The following ZNF333 variants were observed in gnomAD, a reference collection of about 807,000 sequenced individuals.
ZNF333 encodes the protein zinc finger protein 333.
A neutral mutation model predicts 76.1 loss-of-function variants in ZNF333; 61 were observed. That is an observed-to-expected ratio of 0.80 (90% CI 0.65 to 0.99). The LOEUF (loss-of-function observed/expected upper bound fraction) is 0.99. Ranked by LOEUF, ZNF333 falls within the 50% of genes least tolerant of loss-of-function variation. The pLI is 0.00. For missense variants in ZNF333, 717 were observed against 822.4 expected (o/e 0.87, Z 1.57); for synonymous variants, 284 against 305.0 (o/e 0.93, Z 0.72).
chr19:14,701,759 G>A (rs2041964402), intron 5 of ZNF333: 1 of 985,354 alleles, frequency 1.0e-6, no homozygotes, highest in South Asian at 4.7e-5. Context: ...GCAGGCATGG[G>A]GCTCTTGTTA....
intron 11 of ZNF333, among the ~76,000 whole-genome samples, chr19:14,728,981 G>C (rs1374508660): frequency 6.6e-6 from 1 of 152,204 alleles, no homozygotes; most frequent in East Asian, 1.9e-4. Flanking sequence ...AATAAAGAAG[G>C]GGGAAGGGGA....
At chr19:14,714,375 C>T (rs896102216) in intron 7 of ZNF333, among the ~76,000 whole-genome samples, 3 of 152,014 alleles carry the variant, frequency 2.0e-5, no homozygotes, top group East Asian at 1.9e-4. Context: ...GACCGTGCGA[C>T]GGTGGAGGCA....
At chr19:14,708,575 A>ACTGCAGCACTGCTGATAATGGGCCT in intron 7 of ZNF333, 1 of 377,996 alleles carries the variant, frequency 2.6e-6, no homozygotes, top group East Asian at 3.8e-5. Flanking sequence ...ATAATGGGCT[A>ACTGCAGCACTGCTGATAATGGGCCT]CTGCAGCACT....
At chr19:14,732,246 T>A (rs966932496) in exon 12 of ZNF333, 1 of 152,202 alleles carries the variant, frequency 6.6e-6, no homozygotes, top group South Asian at 2.1e-4. Flanking sequence ...CCCAACAGCA[T>A]GTGCTCACTT....
chr19:14,727,232 G>A (rs902216069), intron 11 of ZNF333, among the ~76,000 whole-genome samples: 4 of 152,076 alleles, frequency 2.6e-5, no homozygotes, highest in Non-Finnish European at 5.9e-5. Context: ...GTTTCACCGT[G>A]CTAGCCAGGA....
chr19:14,691,993 G>A (rs1484347043), intron 1 of ZNF333, among the ~76,000 whole-genome samples: 1 of 152,064 alleles, frequency 6.6e-6, no homozygotes, highest in African/African-American at 2.4e-5. Context: ...TGTGTTTTGT[G>A]TGTGCGTGGG....
intron 7 of ZNF333, among the ~76,000 whole-genome samples, chr19:14,714,490 A>G (rs2042368668): frequency 6.6e-6 from 1 of 152,212 alleles, no homozygotes; most frequent in Non-Finnish European, 1.5e-5. Flanking sequence ...GCGTCAGAGG[A>G]GGCGTGGCCC....
rs35567352 is a variant in ZNF333 at position 14,698,373 on chromosome 19, CAAA to C, written c.224-806_224-804del. On this transcript the variant is annotated intron_variant, in intron 4 of 11. Coordinates refer to ENST00000292530, the MANE Select transcript of ZNF333 (RefSeq NM_032433.4). ...TGGGCGACAGAGTGAGACTCCGTCT[CAAA>C]AAAAAAAAAAAAAAAAAAATTAGCT... is the stretch of plus-strand genomic sequence containing the variant. 4.4e-3 allele frequency among the ~76,000 whole-genome samples: 296 copies of C among 67,444 alleles called. 4 individuals carry two copies. Among genetic ancestry groups the C allele is most frequent in the African/African-American group, 0.016 (254 of 16,260 alleles). The allele number at this position is 67,444 out of a possible 152,430, so 44.2% of individuals were successfully genotyped here.
intron 4 of ZNF333, among the ~76,000 whole-genome samples, chr19:14,698,935 T>TATATATATATAC (rs1180611568): frequency 1.4e-4 from 20 of 139,360 alleles, no homozygotes; most frequent in African/African-American, 5.2e-4. Context: ...TATATATATA[T>TATATATATATAC]ACACACATAT....
At chr19:14,715,872 G>A (rs1017853466) in intron 8 of ZNF333, among the ~76,000 whole-genome samples, 3 of 152,206 alleles carry the variant, frequency 2.0e-5, no homozygotes, top group East Asian at 3.9e-4. Flanking sequence ...CCTGTCCAGA[G>A]GTCGAGGACT....
At chr19:14,695,760 G>A in intron 4 of ZNF333, 99 bp downstream of exon 4, 3 of 970,266 alleles carry the variant, frequency 3.1e-6, no homozygotes, top group Non-Finnish European at 4.9e-6. Context: ...TGTTCTGAGG[G>A]GACATCGAAG....
intron 7 of ZNF333, chr19:14,715,035 G>A (rs1568549933): frequency 9.2e-6 from 1 of 108,502 alleles, no homozygotes; most frequent in Non-Finnish European, 1.5e-5. Flanking sequence ...GAATGAAGGC[G>A]TGCGTGTGTG....
In ZNF333 at chr19:14,699,277, A is replaced by G. The variant is rs758368617; in HGVS notation, c.302A>G (p.Gln101Arg). The change falls in exon 5 of 12, where the codon CAA (glutamine) becomes CGA (arginine). Residue 101 changes from glutamine (Q) to arginine (R), a missense_variant. By Grantham distance (43) the Gln-to-Arg change is conservative. Coordinates refer to ENST00000292530, the MANE Select transcript of ZNF333 (RefSeq NM_032433.4). ...LLEEASSRDMQMGPGLFLRMQ... is the reference protein window; with the variant it reads ...LLEEASSRDMRMGPGLFLRMQ... ...GAAGAAGCATCCTCCAGGGACATGC[A>G]AATGGTAAGATGCACGGGGTTTTCC... 1 of 1,613,696 alleles carries G rather than the reference A, an allele frequency of 6.2e-7. No individual in the cohort carries two copies.
intron 5 of ZNF333, among the ~76,000 whole-genome samples, chr19:14,700,746 C>T (rs748530296): frequency 6.6e-6 from 1 of 152,138 alleles, no homozygotes; most frequent in South Asian, 2.1e-4. Context: ...CTCAGCCTCA[C>T]CCCCAAGTGG....
At chr19:14,706,797 C>T (rs565544429) in intron 7 of ZNF333, 24 bp downstream of exon 7, 41 of 1,603,520 alleles carry the variant, frequency 2.6e-5, no homozygotes, top group East Asian at 2.2e-4. Context: ...GCGTGGAACA[C>T]GTGGCCAGAG....
Position 14,694,989 on chromosome 19 carries a change from A to G in ZNF333, c.4-21A>G, listed in dbSNP as rs1280955883. ...TGGTGGGGGTGGTATTTGCCGAGCC[A>G]GAATGTGTGTGCTGTTTTAGGAATC... On this transcript the variant is annotated intron_variant, in intron 2 of 11. Coordinates refer to ENST00000292530, the MANE Select transcript of ZNF333 (RefSeq NM_032433.4). 1.9e-6 allele frequency: 3 copies of G among 1,614,046 alleles called. 1 individual carries two copies. In the South Asian group the frequency reaches 3.3e-5, roughly 18 times the overall value.
Position 14,715,478 on chromosome 19 carries a change from A to G in ZNF333, c.600+8A>G. ...CCAACCGCCTGTTCACAGGTAGGTA[A>G]GAACTTCTTGTTCTAAAAGAACACT... is the stretch of plus-strand genomic sequence containing the variant. On this transcript the variant is annotated splice_region_variant and intron_variant, in intron 8 of 11. Coordinates refer to ENST00000292530, the MANE Select transcript of ZNF333 (RefSeq NM_032433.4). 1 of 1,613,350 alleles carries G rather than the reference A, an allele frequency of 6.2e-7. No homozygotes were observed. Among genetic ancestry groups the G allele is most frequent in the Non-Finnish European group, 8.5e-7 (1 of 1,179,486 alleles).
At chr19:14,707,787 G>A (rs1206080800) in intron 7 of ZNF333, 12 of 307,448 alleles carry the variant, frequency 3.9e-5, no homozygotes, top group South Asian at 3.2e-4. Flanking sequence ...TCCTGACCTC[G>A]TGATCCGCCC....
rs773236308 is a variant in ZNF333 at position 14,718,209 on chromosome 19, C to T, written c.901-19C>T. The T allele has an allele frequency of 1.3e-6, 2 of 1,589,378 alleles. No homozygotes were observed. The highest frequency in any genetic ancestry group is 2.7e-5 in the African/African-American group (2 of 73,686). ...AATCTAATAAGGCCTTTGGTCTTCACATTTTCCTTCATCGACAGGAGCAAC... is the reference window on the plus strand; with the variant it reads ...AATCTAATAAGGCCTTTGGTCTTCATATTTTCCTTCATCGACAGGAGCAAC... On this transcript the variant is annotated intron_variant, in intron 11 of 11. Coordinates refer to ENST00000292530, the MANE Select transcript of ZNF333 (RefSeq NM_032433.4).
Sources: allele counts gnomAD v4.1 joint callset (sites outside exome capture counted in the v4.1 genomes callset), GRCh38; gene constraint gnomAD v4.1.1; transcripts MANE v1.5; gene names NCBI Gene and HGNC (gene_info 2026-07-23, HGNC 2026-07-21).